Variants in ZNF7 observed in about 807,000 individuals in gnomAD.
ZNF7 encodes the protein zinc finger protein 7, also known as C2-H2 type zinc finger protein.
ZNF7 carries 10 observed loss-of-function variants against 12.0 expected under a neutral mutation model. The observed-to-expected ratio is 0.83, with a 90% CI of 0.51 to 1.42. ZNF7 has a LOEUF of 1.42. Among genes scored for constraint, ZNF7 ranks in the 40% most tolerant of loss-of-function variants. The pLI is 0.00. For synonymous variants in ZNF7, 334 were observed against 295.0 expected, an observed-to-expected ratio of 1.13 and a Z score of -1.35; for missense variants, 854 against 837.2, an observed-to-expected ratio of 1.02 and a Z score of -0.25.
In ZNF7 at chr8:144,837,418, TG is replaced by T; in HGVS notation, c.159del (p.Ile54SerfsTer47). 1 of 1,612,636 alleles carries T rather than the reference TG, an allele frequency of 6.2e-7. No individual in the cohort carries two copies. The highest frequency in any genetic ancestry group is 8.5e-7 in the Non-Finnish European group (1 of 1,178,772). ...GGATTCCTGGTTTTCAAGCCTGAGC[TG>T]ATCTCTCGGCTGGAGCAGGGAGAAG... ...LAGFLVFKPE[L>X]ISRLEQGEEP... On this transcript the variant is annotated frameshift_variant, in exon 4 of 5. Coordinates refer to ENST00000532777, the MANE Select transcript of ZNF7 (RefSeq NM_003416.4). LOFTEE classifies it high-confidence loss of function.
At position 144,829,471 on chromosome 8, in the gene ZNF7, C is replaced by G. The variant is rs751043976; in HGVS notation, c.4-7C>G. The G allele has an allele frequency of 6.2e-7, 1 of 1,614,010 alleles. No homozygotes were observed. Among genetic ancestry groups the G allele is most frequent in the Admixed American group, 1.7e-5 (1 of 60,022 alleles). On this transcript the variant is annotated splice_region_variant and splice_polypyrimidine_tract_variant and intron_variant, in intron 2 of 4. Transcript: ENST00000532777. ...GATTCCTGGGGTGCTGGTGTGTGTC[C>G]TTTCAGGAGGTGGTAACATTTGGCG...
downstream of ZNF7, among the ~76,000 whole-genome samples, chr8:144,844,722 A>G (rs143091947): frequency 4.8e-4 from 28 of 58,798 alleles, no homozygotes; most frequent in South Asian, 2.1e-3. Context: ...AAAAAAAAAA[A>G]AAAAAAAAAA....
At chr8:144,829,844 T>G in intron 3 of ZNF7, 1 of 381,124 alleles carries the variant, frequency 2.6e-6, no homozygotes, top group Non-Finnish European at 4.6e-6. Context: ...TTTCCTAAGC[T>G]GTTAAATTGT....
rs769835220 is a variant in ZNF7, at chr8:144,843,143, A to G, written c.2036A>G (p.Gln679Arg). ...TTTAATCGTAGCTCAAGGCTTACCC[A>G]GCATCAAAAAATTCACATGGGATAG... ...KAFNRSSRLT[Q>R]HQKIHMG Residue 679 changes from glutamine (Q) to arginine (R), a missense_variant, in exon 5 of 5, where the codon CAG becomes CGG. Gln to Arg is a conservative substitution (Grantham distance 43). Transcript: ENST00000532777. 11 of 1,593,330 alleles carry G rather than the reference A, an allele frequency of 6.9e-6. No homozygotes were observed. The highest frequency in any genetic ancestry group is 9.4e-6 in the Non-Finnish European group (11 of 1,171,842).
At chr8:144,829,219 A>G in intron 2 of ZNF7, 129 bp downstream of exon 2, 1 of 1,564,520 alleles carries the variant, frequency 6.4e-7, no homozygotes, top group Non-Finnish European at 8.7e-7. Flanking sequence ...CTTGCCCCCA[A>G]CCCCAAGGTA....
At chr8:144,836,031 T>C (rs76768643) in intron 3 of ZNF7, 2 of 152,248 alleles carry the variant, frequency 1.3e-5, no homozygotes, top group African/African-American at 4.8e-5. Flanking sequence ...AAAATGATCA[T>C]TTCTAGTAAA....
chr8:144,837,356 T>C (rs769140550), intron 3 of ZNF7, 35 bp from the exon 4 acceptor site: 13 of 1,558,516 alleles, frequency 8.3e-6, no homozygotes, highest in African/African-American at 1.3e-5. Flanking sequence ...CTTCCCGTCA[T>C]GCTGACACTG....
chr8:144,839,046 C>T (rs1399511871), intron 4 of ZNF7, among the ~76,000 whole-genome samples: 3 of 123,492 alleles, frequency 2.4e-5, no homozygotes, highest in African/African-American at 6.2e-5. Context: ...GGGGCTGTGA[C>T]CTTACTTCCA....
Position 144,841,598 on chromosome 8 carries a change from C to T in ZNF7, c.491C>T (p.Thr164Ile), listed in dbSNP as rs751458513. The change falls in exon 5 of 5, where the codon ACC becomes ATC. Residue 164 changes from threonine to isoleucine, a missense_variant. Coordinates refer to ENST00000532777, the MANE Select transcript of ZNF7 (RefSeq NM_003416.4). ...NEETVVPKTF[T>I]KDAPQGCKEL... is the part of the protein sequence containing the mutation. ...GAGACTGTGGTTCCCAAGACCTTCACCAAGGACGCACCCCAGGGATGTAAG... is the reference window on the plus strand; with the variant it reads ...GAGACTGTGGTTCCCAAGACCTTCATCAAGGACGCACCCCAGGGATGTAAG... 5.6e-6 allele frequency: 9 copies of T among 1,614,054 alleles called. No individual in the cohort carries two copies. Among genetic ancestry groups the T allele is most frequent in the Non-Finnish European group, 5.9e-6 (7 of 1,180,046 alleles).
Position 144,842,648 on chromosome 8 carries a change from AC to A in ZNF7, c.1543del (p.His515IlefsTer22). The A allele has an allele frequency of 6.2e-7, 1 of 1,614,176 alleles. No individual in the cohort carries two copies. The highest frequency in any genetic ancestry group is 8.5e-7 in the Non-Finnish European group (1 of 1,180,042). Reference sequence around the variant, plus strand: ...TTCAGTCAGAGTTCCAGCCTTATTTACCATCAGAGAATCCATAAAGGAGAGA... The same window carrying A: ...TTCAGTCAGAGTTCCAGCCTTATTTACATCAGAGAATCCATAAAGGAGAGA... ...KAFSQSSSLIYHQRIHKGEKP... is the reference protein window; with the variant it reads ...KAFSQSSSLIXHQRIHKGEKP... On this transcript the variant is annotated frameshift_variant, in exon 5 of 5. Coordinates refer to ENST00000532777, the MANE Select transcript of ZNF7 (RefSeq NM_003416.4). LOFTEE classifies it low-confidence loss of function (END_TRUNC).
intron 4 of ZNF7, chr8:144,838,009 T>C (rs1362860204): frequency 1.4e-6 from 1 of 698,500 alleles, no homozygotes; most frequent in Non-Finnish European, 2.6e-6. Context: ...GTCTCACAGC[T>C]GTGGAGGCCG....
intron 3 of ZNF7, chr8:144,829,841 A>G (rs915821415): frequency 2.8e-5 from 11 of 394,308 alleles, no homozygotes; most frequent in Non-Finnish European, 4.0e-5. Context: ...TTTTTTCCTA[A>G]GCTGTTAAAT....
chr8:144,844,706 TATCAAAAAAAAAA>T (rs1563850547), downstream of ZNF7, among the ~76,000 whole-genome samples: 1 of 88,852 alleles, frequency 1.1e-5, no homozygotes, highest in African/African-American at 5.6e-5. Context: ...TGTGACTCTG[TATCAAAAAAAAAA>T]AAAAAAAAAA....
downstream of ZNF7, among the ~76,000 whole-genome samples, chr8:144,844,709 C>CAAAAAAA (rs71320849): frequency 2.3e-4 from 20 of 88,644 alleles, 1 homozygote; most frequent in African/African-American, 7.6e-4. Flanking sequence ...GACTCTGTAT[C>CAAAAAAA]AAAAAAAAAA....
At chr8:144,836,156 G>A (rs1828965439) in intron 3 of ZNF7, 1 of 152,196 alleles carries the variant, frequency 6.6e-6, no homozygotes, top group Admixed American at 6.5e-5. Context: ...GGCCAGCCTG[G>A]GCAACATAGC....
chr8:144,827,787 G>T (rs1297617722), intron 1 of ZNF7, 178 bp downstream of exon 1: 10 of 698,222 alleles, frequency 1.4e-5, no homozygotes, highest in Non-Finnish European at 1.8e-5. Flanking sequence ...GTCGAGCCCA[G>T]CCACCCTCCC....
chr8:144,844,154 A>G (rs893397015), downstream of ZNF7, among the ~76,000 whole-genome samples: 4 of 152,186 alleles, frequency 2.6e-5, no homozygotes, highest in African/African-American at 9.7e-5. Context: ...TGAAACTCAG[A>G]GCCTTATTTG....
intron 4 of ZNF7, among the ~76,000 whole-genome samples, chr8:144,839,142 G>A (rs1297869505): frequency 1.1e-5 from 1 of 91,110 alleles, no homozygotes; most frequent in African/African-American, 4.5e-5. Context: ...ATGCGCCTAG[G>A]GGCTGTGACC....
intron 4 of ZNF7, among the ~76,000 whole-genome samples, chr8:144,839,521 A>G (rs1476410037): frequency 6.6e-6 from 1 of 152,240 alleles, no homozygotes; most frequent in Non-Finnish European, 1.5e-5. Flanking sequence ...AAAGCCAGCT[A>G]CAGTTGGCAG....
Sources: allele counts gnomAD v4.1 joint callset (sites outside exome capture counted in the v4.1 genomes callset), GRCh38; gene constraint gnomAD v4.1.1; transcripts MANE v1.5; gene names NCBI Gene and HGNC (gene_info 2026-07-23, HGNC 2026-07-21).